The following ADGRF3 variants were observed in gnomAD, a reference collection of about 807,000 sequenced individuals.
ADGRF3 encodes adhesion G protein-coupled receptor F3.
In ADGRF3, 85 loss-of-function variants were observed where a neutral mutation model predicts 93.2. The ratio of observed to expected loss-of-function variants is 0.91; its 90% confidence interval spans 0.77 to 1.09. The LOEUF (loss-of-function observed/expected upper bound fraction) is 1.09. Ranked by LOEUF, ADGRF3 falls within the 50% of genes least tolerant of loss-of-function variation. ADGRF3 has a pLI of 0.00. For missense variants in ADGRF3, 1,125 were observed against 1,246.2 expected, an observed-to-expected ratio of 0.90 and a Z score of 1.46; for synonymous variants, 534 against 532.5, an observed-to-expected ratio of 1.00 and a Z score of -0.04.
At chr2:26,319,176 G>T (rs910068248) in intron 1 of ADGRF3, 1 of 970,042 alleles carries the variant, frequency 1.0e-6, no homozygotes, top group Non-Finnish European at 1.5e-6. Flanking sequence ...CAGAGGAAGC[G>T]CTACAGCCTG....
chr2:26,343,788 A>G (rs1230003427), intron 1 of ADGRF3, among the ~76,000 whole-genome samples: 1 of 152,280 alleles, frequency 6.6e-6, no homozygotes, highest in East Asian at 1.9e-4. Flanking sequence ...AAGTGAAGTA[A>G]GTTGTCTGAG....
Position 26,311,121 on chromosome 2 carries a change from C to G in ADGRF3, c.2403G>C (p.Gln801His), listed in dbSNP as rs757872286. 1.4e-5 allele frequency: 23 copies of G among 1,596,626 alleles called. No individual in the cohort carries two copies. The East Asian group carries it at 4.8e-4, about 33-fold the overall frequency. ...MLAQALVLAH[Q>H]LLFVFHQLAK... ...CCAGCTGGTGAAAGACAAAGAGCAG[C>G]TGGTGGGCCAACACCAGGGCCTGCG... The change falls in exon 10 of 14, where the codon CAG (glutamine) becomes CAC (histidine). Residue 801 changes from glutamine (Q) to histidine (H), a missense_variant. Gln to His is a conservative substitution (Grantham distance 24, BLOSUM62 0). Transcript: ENST00000651242.
intron 1 of ADGRF3, among the ~76,000 whole-genome samples, chr2:26,332,512 G>A (rs1675820121): frequency 6.6e-6 from 1 of 152,204 alleles, no homozygotes; most frequent in Non-Finnish European, 1.5e-5. Flanking sequence ...GGCCAAGGTG[G>A]GTAGGTCCCA....
rs1574707916 is a variant in ADGRF3 at position 26,316,367 on chromosome 2, T to A, written c.407A>T (p.Tyr136Phe). 3.2e-6 allele frequency: 5 copies of A among 1,551,374 alleles called. No individual in the cohort carries two copies. The highest frequency in any genetic ancestry group is 1.4e-5 in the African/African-American group (1 of 72,908). The change falls in exon 4 of 14, where the codon TAC (tyrosine) becomes TTC (phenylalanine). Residue 136 changes from tyrosine to phenylalanine, a missense_variant. By Grantham distance (22) the Tyr-to-Phe change is conservative (BLOSUM62 3). Transcript: ENST00000651242. Reference sequence around the variant, plus strand: ...GTTGTGGAGGCTTTGACAAGGAGGGTAATGGAGGCAGATGCTGGTGTTCCA... The same window carrying A: ...GTTGTGGAGGCTTTGACAAGGAGGGAAATGGAGGCAGATGCTGGTGTTCCA... ...YQWNTSICLH[Y>F]PPCQSLHNHQ... is the part of the protein sequence containing the mutation.
chr2:26,316,940 AG>A lies in ADGRF3; in HGVS notation c.296del (p.Pro99LeufsTer75). ...PAASASSSPR[P>X]LLTGLRLTTE... ...TTGTGAGTCTGAGGCCAGTGAGAAG[AG>A]GCCTTGGGGAAGAGGAAGCTGAGGC... On this transcript the variant is annotated frameshift_variant, in exon 3 of 14. Coordinates refer to ENST00000651242, the MANE Select transcript of ADGRF3 (RefSeq NM_001321971.2). LOFTEE classifies it high-confidence loss of function. The A allele has an allele frequency of 1.9e-6, 3 of 1,611,818 alleles. No individual in the cohort carries two copies. The highest frequency in any genetic ancestry group is 2.5e-6 in the Non-Finnish European group (3 of 1,179,232).
chr2:26,319,565 C>CCCTTCCTTCCTTCCTTCCTT (rs1221160490), intron 1 of ADGRF3, among the ~76,000 whole-genome samples: 2 of 48,180 alleles, frequency 4.2e-5, no homozygotes, highest in African/African-American at 1.6e-4. Flanking sequence ...CTCCCTCCCT[C>CCCTTCCTTCCTTCCTTCCTT]CCTTCCTTCC....
At chr2:26,321,466 C>T (rs1675143873) in intron 1 of ADGRF3, among the ~76,000 whole-genome samples, 1 of 151,926 alleles carries the variant, frequency 6.6e-6, no homozygotes, top group Admixed American at 6.6e-5. Context: ...ATGAAGTGGT[C>T]CTAGACTATG....
At chr2:26,339,450 C>T (rs1383591318) in intron 1 of ADGRF3, among the ~76,000 whole-genome samples, 11 of 150,836 alleles carry the variant, frequency 7.3e-5, no homozygotes, top group Admixed American at 3.3e-4. Context: ...GAGCTAAGAT[C>T]GTGCCACTGC....
At chr2:26,318,038 G>A (rs2147886981) in intron 1 of ADGRF3, 2 of 1,551,450 alleles carry the variant, frequency 1.3e-6, no homozygotes, top group South Asian at 1.2e-5. Flanking sequence ...GGGTGAGGGT[G>A]GAGGTCTGGG....
rs947680883 is a variant in ADGRF3, at chr2:26,309,428, A to G, written c.2993+98T>C. On this transcript the variant is annotated intron_variant, in intron 13 of 13. Transcript: ENST00000651242. ...CCTTTGGTGTGGGCTGGGTATAGAA[A>G]GAGGAGGCTTCTCTCCAGCACTTTG... 6 of 1,551,546 alleles carry G rather than the reference A, an allele frequency of 3.9e-6. No individual in the cohort carries two copies. The African/African-American group carries it at 8.2e-5, about 21-fold the overall frequency.
At chr2:26,309,450 T>C in intron 13 of ADGRF3, 76 bp downstream of exon 13, 3 of 1,567,588 alleles carry the variant, frequency 1.9e-6, no homozygotes, top group Non-Finnish European at 2.6e-6. Context: ...TCTCCAGCAC[T>C]TTGCCAGGAG....
At chr2:26,344,690 G>A (rs1676597723) in intron 1 of ADGRF3, among the ~76,000 whole-genome samples, 1 of 152,116 alleles carries the variant, frequency 6.6e-6, no homozygotes, top group Non-Finnish European at 1.5e-5. Flanking sequence ...AAATTTAGCC[G>A]GGTGTGGTGG....
intron 5 of ADGRF3, 57 bp downstream of exon 5, chr2:26,315,465 G>A (rs1674563943): frequency 6.6e-7 from 1 of 1,511,922 alleles, no homozygotes; most frequent in African/African-American, 1.4e-5. Context: ...AGGAAGACGA[G>A]GATGAAGGGA....
At chr2:26,324,480 A>C (rs1675332029) in intron 1 of ADGRF3, among the ~76,000 whole-genome samples, 1 of 145,394 alleles carries the variant, frequency 6.9e-6, no homozygotes, top group African/African-American at 2.7e-5. Context: ...TATTTTCCTG[A>C]CCCACCCTCT....
intron 1 of ADGRF3, among the ~76,000 whole-genome samples, chr2:26,320,614 G>A (rs1024243588): frequency 6.6e-6 from 1 of 152,114 alleles, no homozygotes; most frequent in Non-Finnish European, 1.5e-5. Context: ...ATTATCAAAA[G>A]AGAAAATTTT....
chr2:26,335,358 A>G (rs1026399728), intron 1 of ADGRF3, among the ~76,000 whole-genome samples: 1 of 152,200 alleles, frequency 6.6e-6, no homozygotes, highest in Non-Finnish European at 1.5e-5. Flanking sequence ...TGTAGCATAT[A>G]TCATTACTTC....
rs1674039659 is a variant in ADGRF3 at position 26,310,972 on chromosome 2, A to C, written c.2552T>G (p.Leu851Trp). The change falls in exon 10 of 14, where the codon TTG (leucine) becomes TGG (tryptophan). Residue 851 changes from leucine (L) to tryptophan (W), a missense_variant. Leu to Trp is a moderately conservative substitution (Grantham distance 61). Transcript: ENST00000651242. Reference protein sequence around the residue: ...GQYLREGECWLDGKGGALYTF... With the variant: ...GQYLREGECWWDGKGGALYTF... ...GTATAACGCCCCTCCCTTCCCATCC[A>C]ACCAGCATTCCCCCTCCCTCAGGTA... The C allele has an allele frequency of 6.2e-7, 1 of 1,613,654 alleles. No homozygotes were observed. The highest frequency in any genetic ancestry group is 8.5e-7 in the Non-Finnish European group (1 of 1,179,836).
At position 26,346,416 on chromosome 2, in the gene ADGRF3, C is replaced by T; in HGVS notation, c.-182G>A. ...CCGGGCGGGCTGGCGGGCGTTCCTC[C>T]GGAGGTCCTGCGGGTCCTGGGGATT... On this transcript the variant is annotated 5_prime_UTR_variant, in exon 1 of 14. Transcript: ENST00000651242. The T allele has an allele frequency of 8.3e-7, 1 of 1,199,124 alleles. No individual in the cohort carries two copies. The highest frequency in any genetic ancestry group is 1.6e-5 in the African/African-American group (1 of 62,236). 74.3% of individuals were successfully genotyped at this position (1,199,124 alleles called of 1,614,324 possible).
intron 3 of ADGRF3, 89 bp downstream of exon 3, chr2:26,316,823 G>A (rs1674734378): frequency 3.6e-6 from 5 of 1,397,612 alleles, no homozygotes; most frequent in East Asian, 4.7e-5. Flanking sequence ...AAATACAGAG[G>A]GGCTCACAGA....
Sources: gnomAD v4.1 joint callset for allele counts (sites outside exome capture counted in the v4.1 genomes callset) on GRCh38, gnomAD v4.1.1 for gene constraint, MANE v1.5 for transcripts, NCBI Gene and HGNC (gene_info 2026-07-23, HGNC 2026-07-21) for gene names.